The following EXD2 variants were observed in gnomAD, a reference collection of about 807,000 sequenced individuals.
The protein encoded by EXD2 is exonuclease 3'-5' domain containing 2.
A neutral mutation model predicts 62.5 loss-of-function variants in EXD2; 40 were observed. The ratio of observed to expected loss-of-function variants is 0.64; its 90% CI spans 0.50 to 0.83. The LOEUF is 0.83. Among genes scored for constraint, EXD2 ranks in the 40% least tolerant of loss-of-function variants. The probability of loss-of-function intolerance (pLI) is 0.00; values close to 1 mark genes in which losing one functional copy is unlikely to be tolerated. For synonymous variants in EXD2, 239 were observed against 291.9 expected, an observed-to-expected ratio of 0.82 and a Z score of 1.85; for missense variants, 671 against 761.8, an observed-to-expected ratio of 0.88 and a Z score of 1.40.
At chr14:69,212,249 C>T (rs376317942) in intron 3 of EXD2, among the ~76,000 whole-genome samples, 3 of 151,914 alleles carry the variant, frequency 2.0e-5, no homozygotes, top group East Asian at 1.9e-4. Flanking sequence ...TGGTAGCAGG[C>T]GCCTGTAATC....
Position 69,242,165 on chromosome 14 carries a change from T to C in EXD2, c.*1065T>C. On this transcript the variant is annotated 3_prime_UTR_variant, in exon 10 of 10. Coordinates refer to ENST00000685843, the MANE Select transcript of EXD2 (RefSeq NM_001193360.2). ...TCTTTCAAAATGTTAGGCCATTACT[T>C]TGAGTATAAAATCGACTTATTAATG... 1 of 398,036 alleles carries C rather than the reference T, an allele frequency of 2.5e-6. No individual in the cohort carries two copies. Among genetic ancestry groups the C allele is most frequent in the Non-Finnish European group, 4.4e-6 (1 of 226,010 alleles). 24.7% of individuals were successfully genotyped at this position (398,036 alleles called of 1,614,324 possible).
At chr14:69,233,783 TGAGATA>T (rs2043674505) in intron 5 of EXD2, among the ~76,000 whole-genome samples, 1 of 150,292 alleles carries the variant, frequency 6.7e-6, no homozygotes, top group Non-Finnish European at 1.5e-5. Context: ...TTTTTTTTTT[TGAGATA>T]GAGTCCTGTT....
intron 3 of EXD2, 82 bp from the exon 4 acceptor site, chr14:69,228,734 T>C: frequency 1.3e-6 from 2 of 1,518,548 alleles, no homozygotes; most frequent in Non-Finnish European, 1.8e-6. Flanking sequence ...GATGTACCTC[T>C]TAGACTTTTT....
At chr14:69,220,284 T>TTTTTTTTTC (rs1331707550) in intron 3 of EXD2, among the ~76,000 whole-genome samples, 1 of 87,704 alleles carries the variant, frequency 1.1e-5, no homozygotes, top group African/African-American at 4.1e-5. Context: ...TTTTTTTTTT[T>TTTTTTTTTC]TTTTGAGACA....
Position 69,234,964 on chromosome 14 carries a change from G to C in EXD2, c.982G>C (p.Gly328Arg). 6.2e-7 allele frequency: 1 copy of C among 1,613,460 alleles called. No homozygotes were observed. Among genetic ancestry groups the C allele is most frequent in the Non-Finnish European group, 8.5e-7 (1 of 1,179,736 alleles). Residue 328 changes from glycine (G) to arginine (R), a missense_variant, in exon 6 of 10, where the codon GGC becomes CGC. Gly to Arg is a moderately radical substitution (Grantham distance 125, BLOSUM62 -2). Coordinates refer to ENST00000685843, the MANE Select transcript of EXD2 (RefSeq NM_001193360.2). Reference sequence around the variant, plus strand: ...GTCTAAGATGGATGGGATGGTGCCAGGCAACCACCAAGGGAGAGACCCCAG... The same window carrying C: ...GTCTAAGATGGATGGGATGGTGCCACGCAACCACCAAGGGAGAGACCCCAG... ...KKSKMDGMVP[G>R]NHQGRDPRKH...
intron 3 of EXD2, among the ~76,000 whole-genome samples, chr14:69,225,030 C>A (rs747610013): frequency 2.6e-5 from 4 of 152,202 alleles, no homozygotes; most frequent in Non-Finnish European, 5.9e-5. Flanking sequence ...TAAGGTCTTA[C>A]TTGCTGTAGC....
rs771502862 is a variant in EXD2, at chr14:69,236,392, GTCTCT to G, written c.1157-8_1157-4del. ...GCAGGGGGAGCAGTCAAACACTGAT[GTCTCT>G]TCTCTTAAGAGCTGGTGAGTGAAGA... On this transcript the variant is annotated splice_polypyrimidine_tract_variant and intron_variant, in intron 7 of 9. Coordinates refer to ENST00000685843, the MANE Select transcript of EXD2 (RefSeq NM_001193360.2). 2 of 1,613,976 alleles carry G rather than the reference GTCTCT, an allele frequency of 1.2e-6. No homozygotes were observed. The highest frequency in any genetic ancestry group is 1.3e-5 in the African/African-American group (1 of 74,898).
chr14:69,237,443 G>A, intron 8 of EXD2, 132 bp from the exon 9 acceptor site: 1 of 755,354 alleles, frequency 1.3e-6, no homozygotes, highest in Non-Finnish European at 2.3e-6. Flanking sequence ...TGTGATCTGT[G>A]TTGGGCGGTG....
chr14:69,216,099 C>T (rs1180565799), intron 3 of EXD2, among the ~76,000 whole-genome samples: 1 of 152,096 alleles, frequency 6.6e-6, no homozygotes, highest in East Asian at 1.9e-4. Context: ...TTACAATCCA[C>T]CTGAAATTGA....
rs869194045 is a variant in EXD2, at chr14:69,220,253, G to GTTTTTT, written c.334-8533_334-8528dup. On this transcript the variant is annotated intron_variant, in intron 3 of 9. Coordinates refer to ENST00000685843, the MANE Select transcript of EXD2 (RefSeq NM_001193360.2). ...CTCTCAGCAAGTGTTTTGTCTCTCT[G>GTTTTTT]TTTTTTTTTTTTTTTTTTTTTTTTT... is the stretch of plus-strand genomic sequence containing the variant. Among the ~76,000 whole-genome samples the GTTTTTT allele has an allele frequency of 2.8e-3, 99 of 35,114 alleles. 26 individuals are homozygous for GTTTTTT. Among genetic ancestry groups the GTTTTTT allele is most frequent in the Non-Finnish European group, 3.2e-3 (65 of 20,218 alleles). The allele number at this position is 35,114 out of a possible 152,430, so 23.0% of individuals were successfully genotyped here.
intron 1 of EXD2, among the ~76,000 whole-genome samples, chr14:69,194,265 A>C (rs2042126871): frequency 6.6e-6 from 1 of 150,872 alleles, no homozygotes; most frequent in African/African-American, 2.4e-5. Flanking sequence ...CAGCCTCCCA[A>C]GTAGCTGGGA....
At chr14:69,205,367 C>T (rs1398340291) in intron 2 of EXD2, among the ~76,000 whole-genome samples, 2 of 152,116 alleles carry the variant, frequency 1.3e-5, no homozygotes, top group Non-Finnish European at 2.9e-5. Context: ...TGTTTTCTCC[C>T]TCTTTATCTG....
chr14:69,240,914 G>C lies in EXD2; in HGVS notation c.1680G>C (p.Gly560=), dbSNP rs772922875. Residue 560 remains glycine, a synonymous_variant, in exon 10 of 10, where the codon GGG becomes GGC. Transcript: ENST00000685843. ...CCAATGAAAACTATGTTCCTCACGGGCTGAAGGTGGTGCAGTGTCACAGCC... is the reference window on the plus strand; with the variant it reads ...CCAATGAAAACTATGTTCCTCACGGCCTGAAGGTGGTGCAGTGTCACAGCC... The part of the protein sequence containing the change: ...RISNENYVPH[G]LKVVQCHSQG... 3 of 1,613,684 alleles carry C rather than the reference G, an allele frequency of 1.9e-6. No individual in the cohort carries two copies. The Admixed American group carries it at 5.0e-5, about 27-fold the overall frequency.
chr14:69,199,063 G>A (rs1026763754), intron 1 of EXD2, among the ~76,000 whole-genome samples: 12 of 152,236 alleles, frequency 7.9e-5, no homozygotes, highest in African/African-American at 2.9e-4. Context: ...GGCCAACATG[G>A]TGAAACCCCG....
In EXD2 at chr14:69,209,479, A is replaced by G. The variant is rs921658363; in HGVS notation, c.9A>G (p.Arg3=). The change falls in exon 3 of 10, where the codon AGA becomes AGG. Residue 3 remains arginine, a synonymous_variant. Coordinates refer to ENST00000685843, the MANE Select transcript of EXD2 (RefSeq NM_001193360.2). ...GAGTAGAAAAGTCGAAGATGTCTAG[A>G]CAGAACTTAGTGGCTTTGACAGTGA... MS[R]QNLVALTVTT... is the part of the protein sequence containing the mutation. The G allele has an allele frequency of 1.4e-5, 22 of 1,533,936 alleles. No homozygotes were observed. In the African/African-American group the frequency reaches 2.9e-4, roughly 20 times the overall value.
Position 69,210,807 on chromosome 14 carries a change from C to T in EXD2, c.333+1004C>T, listed in dbSNP as rs576930474. ...CCTGAGTGGCAGAGGGAGATCCTGT[C>T]TCGGGGAAAAAAAAATGTTGTGTTT... On this transcript the variant is annotated intron_variant, in intron 3 of 9. Transcript: ENST00000685843. 2.0e-4 allele frequency among the ~76,000 whole-genome samples: 30 copies of T among 151,728 alleles called. No individual in the cohort carries two copies. The South Asian group carries it at 4.2e-3, about 21-fold the overall frequency.
At chr14:69,191,909 G>C (rs2042039055) in intron 1 of EXD2, 1 of 152,138 alleles carries the variant, frequency 6.6e-6, no homozygotes, top group Non-Finnish European at 1.5e-5. Context: ...CTCCCTGGGA[G>C]ACTCTACCAG....
Position 69,233,891 on chromosome 14 carries a change from T to C in EXD2, c.718-809T>C, listed in dbSNP as rs374352077. ...AGCGATTCTCCTGCCTTAGGCCTCC[T>C]GAGTAGCTGGGATTACAGGCGTCCA... On this transcript the variant is annotated intron_variant, in intron 5 of 9. Transcript: ENST00000685843. Among the ~76,000 whole-genome samples, 4 of 151,856 alleles carry C rather than the reference T, an allele frequency of 2.6e-5. No individual in the cohort carries two copies. In the East Asian group the frequency reaches 7.7e-4, roughly 29 times the overall value.
chr14:69,200,539 A>G (rs1010907669), intron 1 of EXD2, among the ~76,000 whole-genome samples: 4 of 151,006 alleles, frequency 2.6e-5, no homozygotes, highest in Non-Finnish European at 4.4e-5. Flanking sequence ...CCATCTCTAC[A>G]AAAATAATAC....
Sources: allele counts gnomAD v4.1 joint callset (sites outside exome capture counted in the v4.1 genomes callset), GRCh38; gene constraint gnomAD v4.1.1; transcripts MANE v1.5; gene names NCBI Gene and HGNC (gene_info 2026-07-23, HGNC 2026-07-21).